NEO1: variants seen among roughly 807,000 people sequenced by gnomAD.
NEO1 encodes the protein neogenin.
A neutral mutation model predicts 159.7 loss-of-function variants in NEO1; 63 were observed. The ratio of observed to expected loss-of-function variants is 0.39; its 90% CI spans 0.32 to 0.49. NEO1 has a LOEUF of 0.49. Among genes scored for constraint, NEO1 ranks in the 20% least tolerant of loss-of-function variants. The probability of loss-of-function intolerance (pLI) is 0.85; values close to 1 mark genes in which losing one functional copy is unlikely to be tolerated. For synonymous variants in NEO1, 633 were observed against 662.0 expected (o/e 0.96, Z 0.67); for missense variants, 1,615 against 1,831.0 (o/e 0.88, Z 2.15).
intron 14 of NEO1, 107 bp from the exon 15 acceptor site, chr15:73,260,164 C>CT: frequency 2.2e-6 from 2 of 896,540 alleles, no homozygotes; most frequent in Non-Finnish European, 3.2e-6. Flanking sequence ...ATGTAAAAAA[C>CT]TTAGCCCCAA....
chr15:73,141,841 T>A (rs971086420), intron 5 of NEO1, among the ~76,000 whole-genome samples: 2 of 152,232 alleles, frequency 1.3e-5, no homozygotes, highest in African/African-American at 4.8e-5. Context: ...CTTAGTTCTC[T>A]TGGCTTCGGG....
intron 15 of NEO1, 70 bp from the exon 16 acceptor site, chr15:73,266,246 G>A (rs2040887183): frequency 2.5e-6 from 3 of 1,191,346 alleles, no homozygotes; most frequent in Non-Finnish European, 3.6e-6. Flanking sequence ...TTAAGATTAT[G>A]CACAGCCACC....
intron 7 of NEO1, among the ~76,000 whole-genome samples, chr15:73,205,964 G>T (rs541678895): frequency 1.2e-4 from 18 of 152,198 alleles, no homozygotes; most frequent in African/African-American, 4.1e-4. Flanking sequence ...CTGGAGTGCA[G>T]TGGTGCGATC....
At chr15:73,197,049 CA>C (rs1210412683) in intron 7 of NEO1, among the ~76,000 whole-genome samples, 10 of 152,094 alleles carry the variant, frequency 6.6e-5, no homozygotes, top group Admixed American at 6.6e-4. Context: ...CCTTATCTGT[CA>C]GTTTCTAAGA....
chr15:73,282,853 C>T (rs894432074), intron 22 of NEO1, 111 bp from the exon 23 acceptor site: 1 of 1,279,248 alleles, frequency 7.8e-7, no homozygotes, highest in Non-Finnish European at 1.1e-6. Context: ...TAAGTCAGAG[C>T]AATGAGTGTT....
At position 73,301,329 on chromosome 15, in the gene NEO1, C is replaced by G; in HGVS notation, c.4174C>G (p.His1392Asp). The G allele has an allele frequency of 6.2e-7, 1 of 1,614,154 alleles. No individual in the cohort carries two copies. The highest frequency in any genetic ancestry group is 8.5e-7 in the Non-Finnish European group (1 of 1,180,022). The part of the protein sequence containing the change: ...TPLLSQQALN[H>D]HIHSVKTASI... ...GTGCCCTTTCCCCTCAGCTCTGAAC[C>G]ATCACATTCACTCAGTGAAGACAGC... Residue 1392 changes from histidine (H) to aspartate (D), a missense_variant, in exon 28 of 29, where the codon CAT becomes GAT. Physicochemically the swap from His to Asp is moderately conservative, Grantham distance 81. This residue lies in a region of NEO1 where 471 missense variants were observed against 498.9 expected (regional missense o/e 0.94). Transcript: ENST00000261908.
intron 13 of NEO1, chr15:73,255,783 T>C (rs2040313311): frequency 6.6e-6 from 1 of 152,224 alleles, no homozygotes; most frequent in Non-Finnish European, 1.5e-5. Context: ...GCTGGGCCTG[T>C]TGGAGTATTG....
At position 73,249,051 on chromosome 15, in the gene NEO1, T is replaced by C; in HGVS notation, c.1607-9T>C. ...TTTATATCTTGCTTTCTCGAACTTT[T>C]CTTTCTAGTTCAGCTCCCTGGCCCA... On this transcript the variant is annotated splice_polypyrimidine_tract_variant and intron_variant, in intron 9 of 28. Transcript: ENST00000261908. 6.2e-7 allele frequency: 1 copy of C among 1,613,314 alleles called. No homozygotes were observed. Among genetic ancestry groups the C allele is most frequent in the Admixed American group, 1.7e-5 (1 of 59,876 alleles).
chr15:73,204,526 C>T (rs181862081), intron 7 of NEO1, among the ~76,000 whole-genome samples: 1 of 152,164 alleles, frequency 6.6e-6, no homozygotes, highest in East Asian at 1.9e-4. Context: ...TGGCTGTCCT[C>T]AATTGACCCA....
intron 1 of NEO1, among the ~76,000 whole-genome samples, chr15:73,107,345 CAG>C (rs556001679): frequency 6.6e-6 from 1 of 152,056 alleles, no homozygotes; most frequent in Non-Finnish European, 1.5e-5. Flanking sequence ...GTATCTAGTT[CAG>C]AGTTATTTAG....
At chr15:73,287,379 A>G (rs2041986127) in intron 23 of NEO1, among the ~76,000 whole-genome samples, 1 of 152,190 alleles carries the variant, frequency 6.6e-6, no homozygotes, top group South Asian at 2.1e-4. Flanking sequence ...AACATTTTAA[A>G]ATAATAGTTC....
Position 73,273,769 on chromosome 15 carries a change from A to T in NEO1, c.2966-42A>T, listed in dbSNP as rs181603141. 8.6e-6 allele frequency: 13 copies of T among 1,510,776 alleles called. No homozygotes were observed. In the Admixed American group the frequency reaches 2.1e-4, roughly 24 times the overall value. 93.6% of individuals were successfully genotyped at this position (1,510,776 alleles called of 1,614,324 possible). A position where few individuals can be genotyped will look rare whatever the true frequency, so the allele number is the denominator to read the frequency against. ...TTGATTTACTGAAGGCAAAAGGAAA[A>T]GCAGGAGTGAGATTTCTTTTCCCAT... On this transcript the variant is annotated intron_variant, in intron 19 of 28. Coordinates refer to ENST00000261908, the MANE Select transcript of NEO1 (RefSeq NM_002499.4).
chr15:73,061,254 A>G (rs2067962596), intron 1 of NEO1, among the ~76,000 whole-genome samples: 1 of 152,236 alleles, frequency 6.6e-6, no homozygotes, highest in East Asian at 1.9e-4. Flanking sequence ...GTAAGAACAC[A>G]GAGATATCTT....
intron 8 of NEO1, among the ~76,000 whole-genome samples, chr15:73,239,909 A>G (rs1314795180): frequency 6.6e-6 from 1 of 152,162 alleles, no homozygotes; most frequent in African/African-American, 2.4e-5. Flanking sequence ...GTGATCCTCA[A>G]CCAGGGACAG....
chr15:73,302,162 T>G (rs2042644752), intron 28 of NEO1, among the ~76,000 whole-genome samples: 2 of 152,226 alleles, frequency 1.3e-5, no homozygotes. Context: ...AGAAAGTGCC[T>G]GAGTGGTTGT....
At chr15:73,114,635 T>G (rs975347876) in intron 1 of NEO1, among the ~76,000 whole-genome samples, 2 of 152,192 alleles carry the variant, frequency 1.3e-5, no homozygotes, top group African/African-American at 4.8e-5. Context: ...ACATTTAAAT[T>G]GTAATTTTGG....
chr15:73,057,675 A>T (rs1240893606), intron 1 of NEO1, among the ~76,000 whole-genome samples: 1 of 152,208 alleles, frequency 6.6e-6, no homozygotes, highest in Non-Finnish European at 1.5e-5. Flanking sequence ...AAAATTTTGT[A>T]AATAGTGACA....
At chr15:73,073,253 G>A (rs1228789908) in intron 1 of NEO1, among the ~76,000 whole-genome samples, 1 of 152,178 alleles carries the variant, frequency 6.6e-6, no homozygotes, top group Non-Finnish European at 1.5e-5. Flanking sequence ...AATTAAGTAT[G>A]CTGATGATTG....
chr15:73,101,442 C>T (rs2070396700), intron 1 of NEO1, among the ~76,000 whole-genome samples: 1 of 152,232 alleles, frequency 6.6e-6, no homozygotes, highest in South Asian at 2.1e-4. Flanking sequence ...TTCCCACTCT[C>T]TCTCTGCAGC....
Sources: allele counts gnomAD v4.1 joint callset (sites outside exome capture counted in the v4.1 genomes callset), GRCh38; gene constraint gnomAD v4.1.1; regional missense constraint gnomAD v4.1.1; transcripts MANE v1.5; gene names NCBI Gene and HGNC (gene_info 2026-07-23, HGNC 2026-07-21).